Variants in SEMA5A observed in about 807,000 individuals in gnomAD.
The protein encoded by SEMA5A is semaphorin 5A.
In SEMA5A, 55 loss-of-function variants were observed where a neutral mutation model predicts 135.5. That is an observed-to-expected ratio of 0.41 (90% CI 0.33 to 0.51). The LOEUF (loss-of-function observed/expected upper bound fraction) is 0.51. Among genes scored for constraint, SEMA5A ranks in the 20% least tolerant of loss-of-function variants. SEMA5A has a pLI of 0.37. For missense variants in SEMA5A, 1,290 were observed against 1,419.9 expected, an observed-to-expected ratio of 0.91 and a Z score of 1.47; for synonymous variants, 580 against 546.5, an observed-to-expected ratio of 1.06 and a Z score of -0.85.
intron 2 of SEMA5A, among the ~76,000 whole-genome samples, chr5:9,394,430 G>A (rs1291804570): frequency 1.3e-5 from 2 of 152,204 alleles, no homozygotes; most frequent in Non-Finnish European, 2.9e-5. Context: ...GGCTTCCTGT[G>A]ATGTGGGATA....
At chr5:9,456,436 C>G (rs922275510) in intron 1 of SEMA5A, among the ~76,000 whole-genome samples, 1 of 151,666 alleles carries the variant, frequency 6.6e-6, no homozygotes, top group Admixed American at 6.6e-5. Context: ...AAACTCTAAC[C>G]TTCAAGGGAT....
At chr5:9,144,442 G>T (rs1742221663) in intron 12 of SEMA5A, among the ~76,000 whole-genome samples, 1 of 152,182 alleles carries the variant, frequency 6.6e-6, no homozygotes. Flanking sequence ...TTAACAGTTT[G>T]ACTGCAATTG....
intron 20 of SEMA5A, 88 bp downstream of exon 20, chr5:9,051,785 A>G: frequency 6.5e-7 from 1 of 1,531,878 alleles, no homozygotes; most frequent in South Asian, 1.2e-5. Flanking sequence ...TCACCAAATA[A>G]GCCAAATAAA....
At chr5:9,214,168 TGCACA>T (rs1341675736) in intron 8 of SEMA5A, among the ~76,000 whole-genome samples, 4 of 151,812 alleles carry the variant, frequency 2.6e-5, no homozygotes, top group African/African-American at 9.7e-5. Flanking sequence ...CCCCCGAAAC[TGCACA>T]TTGCTCCTTA....
intron 11 of SEMA5A, among the ~76,000 whole-genome samples, chr5:9,162,564 GTA>G (rs779776274): frequency 4.5e-4 from 38 of 84,004 alleles, no homozygotes; most frequent in South Asian, 2.8e-3. Flanking sequence ...GTGTGTGTGT[GTA>G]TATATATATA....
At chr5:9,345,281 C>T (rs778135000) in intron 3 of SEMA5A, among the ~76,000 whole-genome samples, 38 of 152,214 alleles carry the variant, frequency 2.5e-4, no homozygotes, top group South Asian at 4.2e-4. Flanking sequence ...TCTATATTAT[C>T]CTTCAACAAT....
At chr5:9,374,654 T>C (rs1423190283) in intron 3 of SEMA5A, among the ~76,000 whole-genome samples, 1 of 141,662 alleles carries the variant, frequency 7.1e-6, no homozygotes, top group Non-Finnish European at 1.5e-5. Context: ...TGTGTGTGTG[T>C]GTGACAGAGA....
chr5:9,178,331 CTT>C (rs5865809), intron 11 of SEMA5A, among the ~76,000 whole-genome samples: 97 of 123,528 alleles, frequency 7.9e-4, no homozygotes, highest in Middle Eastern at 4.3e-3. Flanking sequence ...TTTTTCTCTC[CTT>C]TTTTTTTTTT....
At chr5:9,464,459 T>G (rs1046431234) in intron 1 of SEMA5A, among the ~76,000 whole-genome samples, 1 of 152,352 alleles carries the variant, frequency 6.6e-6, no homozygotes, top group South Asian at 2.1e-4. Context: ...CTGTTTACAC[T>G]TTCCTACTGT....
intron 5 of SEMA5A, among the ~76,000 whole-genome samples, chr5:9,314,373 G>GAAAAA (rs34088756): frequency 8.3e-6 from 1 of 120,516 alleles, no homozygotes; most frequent in African/African-American, 2.7e-5. Flanking sequence ...CTGAGTTCCA[G>GAAAAA]AAAAAAAAAA....
chr5:9,193,131 C>T (rs1745205082), intron 10 of SEMA5A, among the ~76,000 whole-genome samples: 2 of 152,028 alleles, frequency 1.3e-5, no homozygotes, highest in South Asian at 4.2e-4. Context: ...TATAATATTC[C>T]ACCCAGTGCT....
At position 9,054,211 on chromosome 5, in the gene SEMA5A, T is replaced by A. The variant is rs370793049; in HGVS notation, c.2565A>T (p.Ala855=). The A allele has an allele frequency of 1.3e-5, 21 of 1,613,952 alleles. No homozygotes were observed. Among genetic ancestry groups the A allele is most frequent in the Non-Finnish European group, 1.6e-5 (19 of 1,179,990 alleles). The change falls in exon 19 of 23, where the codon GCA becomes GCT. Residue 855 remains alanine (A), a synonymous_variant. Coordinates refer to ENST00000382496, the MANE Select transcript of SEMA5A (RefSeq NM_003966.3). The part of the protein sequence containing the change: ...SCWSPWTKCS[A]TCGGGHYMRT... ...TCATATAGTGTCCACCGCCGCATGT[T>A]GCTGAACATTTTGTCCAGGGGGACC...
intron 3 of SEMA5A, among the ~76,000 whole-genome samples, chr5:9,350,120 C>G (rs532894646): frequency 2.2e-4 from 34 of 152,224 alleles, no homozygotes; most frequent in Admixed American, 9.8e-4. Context: ...TAACATGGAG[C>G]CTTTGTTGGA....
intron 21 of SEMA5A, among the ~76,000 whole-genome samples, chr5:9,044,827 C>T (rs993480848): frequency 1.2e-4 from 18 of 152,154 alleles, no homozygotes; most frequent in African/African-American, 3.9e-4. Flanking sequence ...TCTTGTTGCC[C>T]AGGCTGGAGT....
chr5:9,122,774 T>G lies in SEMA5A; in HGVS notation c.1663A>C (p.Thr555Pro). ...VWSPWTPCTH[T>P]DGSAVGSCLC... ...CAGGATCCCACGGCGCTGCCATCTGTGTGCGTGCAAGGCGTCCACGGAGAC... is the reference window on the plus strand; with the variant it reads ...CAGGATCCCACGGCGCTGCCATCTGGGTGCGTGCAAGGCGTCCACGGAGAC... Residue 555 changes from threonine to proline, a missense_variant, in exon 14 of 23, where the codon ACA becomes CCA. Thr to Pro is a conservative substitution (Grantham distance 38, BLOSUM62 -1). Transcript: ENST00000382496. The G allele has an allele frequency of 6.2e-7, 1 of 1,613,346 alleles. No individual in the cohort carries two copies. The highest frequency in any genetic ancestry group is 8.5e-7 in the Non-Finnish European group (1 of 1,179,796).
chr5:9,119,939 T>A (rs985971516), intron 14 of SEMA5A, among the ~76,000 whole-genome samples: 2 of 151,994 alleles, frequency 1.3e-5, no homozygotes, highest in African/African-American at 4.8e-5. Flanking sequence ...TGAACCAATT[T>A]AAAAAATTTT....
rs74407270 is a variant in SEMA5A at position 9,209,591 on chromosome 5, C to T, written c.647-7351G>A. On this transcript the variant is annotated intron_variant, in intron 8 of 22. Coordinates refer to ENST00000382496, the MANE Select transcript of SEMA5A (RefSeq NM_003966.3). ...TTTTACTGAAAGAAGACATTGAGCT[C>T]CAACATTATTCAGTTGTTATCATAC... is the stretch of plus-strand genomic sequence containing the variant. Among the ~76,000 whole-genome samples the T allele has an allele frequency of 2.5e-4, 38 of 152,210 alleles. No individual in the cohort carries two copies. In the East Asian group the frequency reaches 5.6e-3, roughly 22 times the overall value.
intron 12 of SEMA5A, among the ~76,000 whole-genome samples, chr5:9,145,476 A>C (rs1742279394): frequency 6.6e-6 from 1 of 152,134 alleles, no homozygotes. Context: ...CAGCAAATAA[A>C]AATCTTAGGA....
At chr5:9,126,683 G>A (rs563356589) in intron 13 of SEMA5A, among the ~76,000 whole-genome samples, 1 of 152,306 alleles carries the variant, frequency 6.6e-6, no homozygotes, top group South Asian at 2.1e-4. Context: ...GGCAGGCCGG[G>A]GTGGGGAACT....
Sources: allele counts gnomAD v4.1 joint callset (sites outside exome capture counted in the v4.1 genomes callset), GRCh38; gene constraint gnomAD v4.1.1; transcripts MANE v1.5; gene names NCBI Gene and HGNC (gene_info 2026-07-23, HGNC 2026-07-21).